The following CSMD1 variants were observed in gnomAD, a reference collection of about 807,000 sequenced individuals.
The protein encoded by CSMD1 is CUB and sushi domain-containing protein 1.
A neutral mutation model predicts 417.5 loss-of-function variants in CSMD1; 213 were observed. The observed-to-expected ratio is 0.51, with a 90% CI of 0.46 to 0.57. The LOEUF (loss-of-function observed/expected upper bound fraction) is 0.57, where lower values mean the gene tolerates loss of function less well. CSMD1 is among the 20% of genes least tolerant of loss of function. The pLI is 0.00. For synonymous variants in CSMD1, 2,862 were observed against 1,736.8 expected, an observed-to-expected ratio of 1.65 and a Z score of -16.11; for missense variants, 6,923 against 4,529.7, an observed-to-expected ratio of 1.53 and a Z score of -15.17.
At chr8:3,274,787 C>A (rs557440677) in intron 26 of CSMD1, among the ~76,000 whole-genome samples, 1 of 152,076 alleles carries the variant, frequency 6.6e-6, no homozygotes, top group Non-Finnish European at 1.5e-5. Flanking sequence ...CTTGGTAGAT[C>A]TTCCTCCATC....
intron 3 of CSMD1, among the ~76,000 whole-genome samples, chr8:4,284,581 A>G (rs1238488536): frequency 3.3e-5 from 5 of 152,188 alleles, no homozygotes; most frequent in Non-Finnish European, 7.3e-5. Context: ...CAGTCTAAGC[A>G]AAATATTTAC....
At chr8:3,350,826 T>C (rs1808370548) in intron 21 of CSMD1, among the ~76,000 whole-genome samples, 1 of 151,818 alleles carries the variant, frequency 6.6e-6, no homozygotes, top group East Asian at 1.9e-4. Flanking sequence ...TACATGTTTT[T>C]ATTAGCCTTT....
At chr8:3,242,953 G>C (rs1213476408) in intron 26 of CSMD1, among the ~76,000 whole-genome samples, 1 of 152,146 alleles carries the variant, frequency 6.6e-6, no homozygotes, top group Non-Finnish European at 1.5e-5. Context: ...TGAACAATCA[G>C]AGAGATGTCC....
chr8:4,473,095 C>A (rs1019914244), intron 2 of CSMD1, among the ~76,000 whole-genome samples: 1 of 152,068 alleles, frequency 6.6e-6, no homozygotes, highest in East Asian at 1.9e-4. Context: ...GTAACATTTT[C>A]TCTACTTGTG....
At chr8:3,072,519 G>A (rs1443471098) in intron 49 of CSMD1, among the ~76,000 whole-genome samples, 1 of 152,148 alleles carries the variant, frequency 6.6e-6, no homozygotes, top group Admixed American at 6.6e-5. Flanking sequence ...GTCATGTCAT[G>A]GTCAAAATAC....
At position 4,583,750 on chromosome 8, in the gene CSMD1, GGCTCTATCAATCAGCAGGA is replaced by G. The variant is rs1179284407; in HGVS notation, c.302+53573_302+53591del. On this transcript the variant is annotated intron_variant, in intron 2 of 69. Coordinates refer to ENST00000635120, the MANE Select transcript of CSMD1 (RefSeq NM_033225.6). ...AGCACCCTGTCAAAACAGACCACTG[GGCTCTATCAATCAGCAGGA>G]TGTGGGTGGGGCCAGATAAGAGAAT... Among the ~76,000 whole-genome samples the G allele has an allele frequency of 9.2e-3, 1,393 of 152,194 alleles. 21 individuals are homozygous for G. The highest frequency in any genetic ancestry group is 0.031 in the African/African-American group (1,277 of 41,540).
chr8:3,778,628 T>G (rs1799018764), intron 5 of CSMD1, among the ~76,000 whole-genome samples: 1 of 152,174 alleles, frequency 6.6e-6, no homozygotes, highest in Admixed American at 6.5e-5. Flanking sequence ...GCACCTCTCC[T>G]TCCTGCCTCC....
intron 2 of CSMD1, among the ~76,000 whole-genome samples, chr8:4,576,217 A>C (rs1181314724): frequency 4.6e-5 from 7 of 152,166 alleles, no homozygotes; most frequent in Non-Finnish European, 7.4e-5. Flanking sequence ...TCCAGTCCCC[A>C]CCTCGTCTTC....
intron 7 of CSMD1, among the ~76,000 whole-genome samples, chr8:3,625,778 G>T (rs139462679): frequency 1.3e-5 from 2 of 152,022 alleles, no homozygotes; most frequent in Non-Finnish European, 2.9e-5. Flanking sequence ...GAACACTGCA[G>T]ATTCTTACAG....
intron 41 of CSMD1, among the ~76,000 whole-genome samples, chr8:3,141,974 T>C (rs1471380309): frequency 1.3e-5 from 2 of 152,038 alleles, no homozygotes; most frequent in Non-Finnish European, 2.9e-5. Flanking sequence ...ATTTTTGGTA[T>C]TTTTAGTAGA....
At chr8:4,760,273 T>C (rs1811957113) in intron 1 of CSMD1, among the ~76,000 whole-genome samples, 2 of 152,198 alleles carry the variant, frequency 1.3e-5, no homozygotes, top group South Asian at 2.1e-4. Context: ...AATGCAAATA[T>C]ACCAGCCTTT....
At chr8:3,983,476 T>C (rs1374636050) in intron 5 of CSMD1, among the ~76,000 whole-genome samples, 5 of 152,116 alleles carry the variant, frequency 3.3e-5, no homozygotes, top group South Asian at 2.1e-4. Flanking sequence ...AGGGTAGATA[T>C]CAAGTCATGA....
chr8:4,301,566 G>C (rs781222809), intron 3 of CSMD1, among the ~76,000 whole-genome samples: 1 of 152,208 alleles, frequency 6.6e-6, no homozygotes, highest in African/African-American at 2.4e-5. Context: ...CAAGTGGAAA[G>C]TCTGCTCAAT....
At chr8:4,412,010 G>GTA (rs1479352858) in intron 3 of CSMD1, among the ~76,000 whole-genome samples, 5 of 150,662 alleles carry the variant, frequency 3.3e-5, no homozygotes, top group Non-Finnish European at 7.4e-5. Flanking sequence ...GTGTGTGTGT[G>GTA]TGTGTGTAGC....
At chr8:4,434,905 C>T (rs77626263) in intron 2 of CSMD1, among the ~76,000 whole-genome samples, 4,777 of 152,244 alleles carry the variant, frequency 0.031, 96 homozygotes, top group Middle Eastern at 0.082. Context: ...ATTTTGTCAG[C>T]ACATGACTCT....
At chr8:3,338,888 GGTTA>G (rs1474433396) in intron 23 of CSMD1, among the ~76,000 whole-genome samples, 16 of 150,596 alleles carry the variant, frequency 1.1e-4, no homozygotes, top group African/African-American at 3.7e-4. Context: ...ACATTGTGCA[GGTTA>G]GTTACATATG....
intron 5 of CSMD1, among the ~76,000 whole-genome samples, chr8:3,867,336 T>C (rs1005105241): frequency 6.6e-6 from 1 of 152,178 alleles, no homozygotes; most frequent in Admixed American, 6.5e-5. Context: ...TAGGGTAGCC[T>C]AGGAGGACAG....
At position 3,753,920 on chromosome 8, in the gene CSMD1, G is replaced by T; in HGVS notation, c.931+10C>A. ...TTTTTTTTTTTTCTTATAAGATGGA[G>T]CATCCTTACCTTGGAACTGAGCGTT... On this transcript the variant is annotated intron_variant, in intron 6 of 69. Transcript: ENST00000635120. 1 of 1,563,846 alleles carries T rather than the reference G, an allele frequency of 6.4e-7. No homozygotes were observed.
intron 5 of CSMD1, among the ~76,000 whole-genome samples, chr8:3,765,747 G>T (rs904084483): frequency 6.6e-6 from 1 of 152,164 alleles, no homozygotes; most frequent in African/African-American, 2.4e-5. Context: ...CAGGGGGTGA[G>T]ATCTGGCATC....
Sources: allele counts gnomAD v4.1 joint callset (sites outside exome capture counted in the v4.1 genomes callset), GRCh38; gene constraint gnomAD v4.1.1; transcripts MANE v1.5; gene names NCBI Gene and HGNC (gene_info 2026-07-23, HGNC 2026-07-21).